Variants in RHBDF1 observed in about 807,000 individuals in gnomAD.
RHBDF1 encodes inactive rhomboid protein 1.
A neutral mutation model predicts 98.6 loss-of-function variants in RHBDF1; 80 were observed. The ratio of observed to expected loss-of-function variants is 0.81; its 90% CI spans 0.68 to 0.98. The LOEUF (loss-of-function observed/expected upper bound fraction) is 0.98, where lower values mean the gene tolerates loss of function less well. Among genes scored for constraint, RHBDF1 ranks in the 50% least tolerant of loss-of-function variants. RHBDF1 has a pLI of 0.00. For synonymous variants in RHBDF1, 512 were observed against 486.8 expected (o/e 1.05, Z -0.68); for missense variants, 1,116 against 1,198.3 (o/e 0.93, Z 1.01).
intron 1 of RHBDF1, 137 bp from the exon 2 acceptor site, chr16:65,176 T>C (rs1897796140): frequency 3.3e-6 from 3 of 914,170 alleles, no homozygotes; most frequent in Non-Finnish European, 4.7e-6. Context: ...AGCACTACTG[T>C]GTGCTCAGCA....
Position 59,432 on chromosome 16 carries a change from G to A in RHBDF1, c.1880C>T (p.Thr627Met), listed in dbSNP as rs375953787. 2.9e-5 allele frequency: 47 copies of A among 1,613,696 alleles called. No individual in the cohort carries two copies. The Middle Eastern group carries it at 6.6e-4, about 23-fold the overall frequency. Residue 627 changes from threonine (T) to methionine (M), a missense_variant, in exon 15 of 18, where the codon ACG (threonine) becomes ATG (methionine). Coordinates refer to ENST00000262316, the MANE Select transcript of RHBDF1 (RefSeq NM_022450.5). Reference sequence around the variant, plus strand: ...CTGCAGACCTACCTGAGAGCAGAGCGTGGCCTCCTCATGGAAGTAGCCCCT... The same window carrying A: ...CTGCAGACCTACCTGAGAGCAGAGCATGGCCTCCTCATGGAAGTAGCCCCT... The part of the protein sequence containing the change: ...FMRGYFHEEA[T>M]LCSQVHCMDD...
upstream of RHBDF1, among the ~76,000 whole-genome samples, chr16:75,214 C>T (rs113888627): frequency 1.7e-3 from 259 of 152,294 alleles, 1 homozygote; most frequent in Non-Finnish European, 2.9e-3. Flanking sequence ...CCAGCACTCC[C>T]GGGGCTGGTG....
chr16:67,942 C>A (rs1310112492), intron 1 of RHBDF1, among the ~76,000 whole-genome samples: 3 of 152,054 alleles, frequency 2.0e-5, no homozygotes, highest in African/African-American at 7.2e-5. Context: ...TGAGCGTGTA[C>A]GGGGAACCTG....
chr16:60,385 C>T, intron 12 of RHBDF1, 54 bp downstream of exon 12: 1 of 1,594,158 alleles, frequency 6.3e-7, no homozygotes, highest in Non-Finnish European at 8.6e-7. Flanking sequence ...TGCACCACAG[C>T]CCCCGGGGAA....
At position 59,375 on chromosome 16, in the gene RHBDF1, A is replaced by G. The variant is rs1173245445; in HGVS notation, c.1894-26T>C. On this transcript the variant is annotated intron_variant, in intron 15 of 17. Coordinates refer to ENST00000262316, the MANE Select transcript of RHBDF1 (RefSeq NM_022450.5). Reference sequence around the variant, plus strand: ...CTGCGCAGAGCAGCATATCAGCATCACAGTAGCTGGGGGAGGGGAACGACG... The same window carrying G: ...CTGCGCAGAGCAGCATATCAGCATCGCAGTAGCTGGGGGAGGGGAACGACG... 7 of 1,611,900 alleles carry G rather than the reference A, an allele frequency of 4.3e-6. No homozygotes were observed. The East Asian group carries it at 1.6e-4, about 36-fold the overall frequency.
At chr16:73,063 C>T (rs1898019560), upstream of RHBDF1, among the ~76,000 whole-genome samples, 2 of 152,194 alleles carry the variant, frequency 1.3e-5, no homozygotes, top group South Asian at 4.1e-4. Flanking sequence ...CCCAATCCCA[C>T]TAAGCACTCA....
intron 11 of RHBDF1, among the ~76,000 whole-genome samples, chr16:60,843 T>C (rs1259432454): frequency 6.6e-6 from 1 of 152,008 alleles, no homozygotes; most frequent in African/African-American, 2.4e-5. Flanking sequence ...AATTGCTTAG[T>C]GGAAAAGAGG....
At chr16:64,418 G>A (rs552759685) in intron 3 of RHBDF1, 44 of 1,426,722 alleles carry the variant, frequency 3.1e-5, no homozygotes, top group East Asian at 2.4e-4. Context: ...GTGTGGACAC[G>A]CCCGAAGCGT....
Position 58,510 on chromosome 16 carries a change from T to C in RHBDF1, c.2398A>G (p.Lys800Glu). 1 of 1,614,028 alleles carries C rather than the reference T, an allele frequency of 6.2e-7. No homozygotes were observed. Among genetic ancestry groups the C allele is most frequent in the Non-Finnish European group, 8.5e-7 (1 of 1,180,022 alleles). Residue 800 changes from lysine to glutamate, a missense_variant, in exon 18 of 18, where the codon AAA (lysine) becomes GAA (glutamate). Lys to Glu is a moderately conservative substitution (Grantham distance 56). Transcript: ENST00000262316. ...TGAAAGATGATGATCTGGCAGCGTT[T>C]CCGGTACAGGTCGAACTTGCCAAAG... ...ISFGKFDLYRKRCQIIIFQVV... is the reference protein window; with the variant it reads ...ISFGKFDLYRERCQIIIFQVV...
chr16:63,926 A>G (rs216605), intron 3 of RHBDF1, 126 bp from the exon 4 acceptor site: 121,341 of 863,874 alleles, frequency 0.14, 11,971 homozygotes, highest in African/African-American at 0.43. Context: ...CCAGGGTCTG[A>G]GTGGGCAAGG....
At chr16:62,216 C>T (rs1897661244) in intron 7 of RHBDF1, 164 bp from the exon 8 acceptor site, 2 of 1,012,434 alleles carry the variant, frequency 2.0e-6, no homozygotes, top group African/African-American at 1.6e-5. Context: ...TGCGGGCCTC[C>T]GGGGATGGCA....
At chr16:60,722 T>C in intron 11 of RHBDF1, 183 bp from the exon 12 acceptor site, 6 of 587,662 alleles carry the variant, frequency 1.0e-5, no homozygotes, top group Non-Finnish European at 1.8e-5. Flanking sequence ...GCATAATTCC[T>C]GTTAGCTGAA....
chr16:65,856 G>A (rs981205084), intron 1 of RHBDF1, among the ~76,000 whole-genome samples: 1 of 152,242 alleles, frequency 6.6e-6, no homozygotes, highest in African/African-American at 2.4e-5. Flanking sequence ...ACCAGGTGAC[G>A]CCACGCGCCC....
chr16:74,108 C>T (rs1174744174), upstream of RHBDF1: 1 of 200,324 alleles, frequency 5.0e-6, no homozygotes, highest in Non-Finnish European at 8.9e-6. Context: ...ACTGCCAGTG[C>T]ATCACGGACA....
chr16:61,426 TGACGTTCTCGTA>T lies in RHBDF1; in HGVS notation c.1342_1353del (p.Tyr448_Val451del). 6.2e-7 allele frequency: 1 copy of T among 1,612,352 alleles called. No homozygotes were observed. Among genetic ancestry groups the T allele is most frequent in the East Asian group, 2.2e-5 (1 of 44,868 alleles). On this transcript the variant is annotated inframe_deletion, in exon 10 of 18. Coordinates refer to ENST00000262316, the MANE Select transcript of RHBDF1 (RefSeq NM_022450.5). Reference sequence around the variant, plus strand: ...CAGAAGTTCTCCTGCTGCACGTACTTGACGTTCTCGTAGACCCCGCGGTTCCGCAGCACCTGG... The same window carrying T: ...CAGAAGTTCTCCTGCTGCACGTACTTGACCCCGCGGTTCCGCAGCACCTGG...
At chr16:60,180 G>T (rs79769056) in intron 13 of RHBDF1, 36 bp downstream of exon 13, 2 of 1,613,436 alleles carry the variant, frequency 1.2e-6, no homozygotes, top group East Asian at 2.2e-5. Flanking sequence ...CACATGACAC[G>T]GAGGGCTCCC....
intron 1 of RHBDF1, among the ~76,000 whole-genome samples, chr16:69,672 T>C (rs1489106450): frequency 2.6e-5 from 4 of 152,124 alleles, no homozygotes; most frequent in Admixed American, 2.6e-4. Context: ...CTCTGCCTTG[T>C]CTATTAATGG....
intron 9 of RHBDF1, 37 bp downstream of exon 9, chr16:61,548 C>G: frequency 6.2e-7 from 1 of 1,610,696 alleles, no homozygotes; most frequent in Non-Finnish European, 8.5e-7. Flanking sequence ...TGCCCGGACT[C>G]CACTCGTCTG....
intron 1 of RHBDF1, 121 bp downstream of exon 1, chr16:72,369 CCGGCCCCGGCCCCGGCCCCGACA>C: frequency 3.8e-6 from 1 of 266,076 alleles, no homozygotes; most frequent in African/African-American, 2.3e-5. Context: ...CGACCCCTCC[CCGGCCCCGGCCCCGGCCCCGACA>C]CGGCCCCGGC....
Sources: allele counts gnomAD v4.1 joint callset (sites outside exome capture counted in the v4.1 genomes callset), GRCh38; gene constraint gnomAD v4.1.1; transcripts MANE v1.5; gene names NCBI Gene and HGNC (gene_info 2026-07-23, HGNC 2026-07-21).